ASMTL: variants seen among roughly 807,000 people sequenced by gnomAD.
ASMTL encodes probable bifunctional dTTP/UTP pyrophosphatase/methyltransferase protein.
A neutral mutation model predicts 60.3 loss-of-function variants in ASMTL; 57 were observed. That is an observed-to-expected ratio of 0.95 (90% CI 0.76 to 1.18). ASMTL has a LOEUF of 1.18. Among genes scored for constraint, ASMTL ranks in the 50% most tolerant of loss-of-function variants. The pLI is 0.00. For missense variants in ASMTL, 981 were observed against 852.6 expected (o/e 1.15, Z -1.88); for synonymous variants, 419 against 373.0 (o/e 1.12, Z -1.42).
At chrX:1,414,847 G>C in intron 11 of ASMTL, among the ~76,000 whole-genome samples, 1 of 152,276 alleles carries the variant, frequency 6.6e-6, no homozygotes, top group East Asian at 1.9e-4. Flanking sequence ...AGGAACCTCT[G>C]GGGGAGGGTT....
At chrX:1,416,347 AGT>A (rs386823181) in intron 11 of ASMTL, among the ~76,000 whole-genome samples, 6,175 of 128,658 alleles carry the variant, frequency 0.048, 1,143 homozygotes, top group Non-Finnish European at 0.061. Context: ...ATACAGATAC[AGT>A]GACAGGCACA....
At chrX:1,438,595 C>A (rs1210083540) in intron 3 of ASMTL, among the ~76,000 whole-genome samples, 3 of 152,202 alleles carry the variant, frequency 2.0e-5, no homozygotes, top group African/African-American at 4.8e-5. Flanking sequence ...CTCACTGCAA[C>A]CCCGCCTCCT....
intron 1 of ASMTL, among the ~76,000 whole-genome samples, chrX:1,449,393 A>G (rs1208294692): frequency 1.3e-5 from 2 of 151,832 alleles, no homozygotes; most frequent in African/African-American, 4.8e-5. Flanking sequence ...ACCCCAGATC[A>G]TATAGACCCC....
chrX:1,432,490 A>C, intron 5 of ASMTL, 113 bp from the exon 6 acceptor site: 7 of 754,868 alleles, frequency 9.3e-6, no homozygotes, highest in East Asian at 2.7e-5. Flanking sequence ...CGCACAGTTC[A>C]GATATGGATG....
chrX:1,415,362 C>T (rs1248601948), intron 11 of ASMTL, among the ~76,000 whole-genome samples: 4 of 152,176 alleles, frequency 2.6e-5, no homozygotes, highest in African/African-American at 4.8e-5. Flanking sequence ...ATGCTGATCT[C>T]GGCTGTTCCC....
In ASMTL at chrX:1,442,250, G is replaced by A. The variant is rs1189882195; in HGVS notation, c.161C>T (p.Pro54Leu). 13 of 1,613,910 alleles carry A rather than the reference G, an allele frequency of 8.1e-6. No individual in the cohort carries two copies. The highest frequency in any genetic ancestry group is 1.7e-4 in the Middle Eastern group (1 of 6,022). ...EKLDKASFAT[P>L]YGYAMETAKQ... ...GGCGGTCTCCATGGCGTACCCATACGGAGTAGCGAAGGAGGCTTTGTCCAG... is the reference window on the plus strand; with the variant it reads ...GGCGGTCTCCATGGCGTACCCATACAGAGTAGCGAAGGAGGCTTTGTCCAG... Residue 54 changes from proline (P) to leucine (L), a missense_variant, in exon 2 of 13, where the codon CCG becomes CTG. Coordinates refer to ENST00000381317, the MANE Select transcript of ASMTL (RefSeq NM_004192.4).
intron 11 of ASMTL, among the ~76,000 whole-genome samples, chrX:1,416,660 A>G (rs2090285644): frequency 6.6e-6 from 1 of 151,878 alleles, no homozygotes; most frequent in Admixed American, 6.6e-5. Flanking sequence ...CACACCACAG[A>G]GAGTTGCACA....
intron 6 of ASMTL, among the ~76,000 whole-genome samples, chrX:1,430,751 G>A (rs1187864944): frequency 3.4e-5 from 5 of 148,488 alleles, no homozygotes; most frequent in Admixed American, 1.3e-4. Flanking sequence ...CAGCCTGGGT[G>A]ACAGAGTGAG....
intron 6 of ASMTL, among the ~76,000 whole-genome samples, chrX:1,430,078 G>A (rs537705238): frequency 6.6e-6 from 1 of 151,306 alleles, no homozygotes. Context: ...GCAGTGGCGC[G>A]ATCTCGGCTC....
chrX:1,403,512 G>A, intron 12 of ASMTL, 23 bp from the exon 13 acceptor site: 4 of 1,608,620 alleles, frequency 2.5e-6, no homozygotes, highest in Non-Finnish European at 3.4e-6. Context: ...GCAGAGAGCT[G>A]GAGTCCTGGC....
chrX:1,443,017 T>C (rs186748054), intron 1 of ASMTL, among the ~76,000 whole-genome samples: 216 of 151,396 alleles, frequency 1.4e-3, no homozygotes, highest in Non-Finnish European at 2.5e-3. Context: ...CACCGCCATC[T>C]TGGAGAGACA....
intron 9 of ASMTL, among the ~76,000 whole-genome samples, chrX:1,420,639 C>A (rs1217573232): frequency 1.3e-5 from 2 of 152,210 alleles, no homozygotes; most frequent in African/African-American, 4.8e-5. Flanking sequence ...ATATCTCACA[C>A]GTCCACCTCA....
At chrX:1,415,840 G>GCAGA (rs2090225570) in intron 11 of ASMTL, among the ~76,000 whole-genome samples, 1 of 151,968 alleles carries the variant, frequency 6.6e-6, no homozygotes, top group Non-Finnish European at 1.5e-5. Context: ...ACCCACGGAC[G>GCAGA]CACAGACACA....
intron 12 of ASMTL, among the ~76,000 whole-genome samples, chrX:1,411,806 C>CTTTTTTTTTTT (rs756437483): frequency 5.8e-5 from 5 of 86,144 alleles, no homozygotes; most frequent in South Asian, 5.4e-4. Context: ...TTAGGATTTT[C>CTTTTTTTTTTT]TTTTTTTTTT....
intron 12 of ASMTL, 100 bp from the exon 13 acceptor site, chrX:1,403,589 A>G: frequency 1.6e-5 from 18 of 1,120,510 alleles, no homozygotes; most frequent in Non-Finnish European, 2.1e-5. Context: ...CAGAACGGTG[A>G]GCAGAGGCTG....
At chrX:1,403,783 G>GGGTA (rs1474947990) in intron 12 of ASMTL, among the ~76,000 whole-genome samples, 4 of 152,114 alleles carry the variant, frequency 2.6e-5, no homozygotes, top group African/African-American at 9.7e-5. Context: ...GATGATGGGT[G>GGGTA]GGTAGGTAGG....
chrX:1,421,059 A>G (rs1354241689), intron 9 of ASMTL, among the ~76,000 whole-genome samples: 1 of 151,408 alleles, frequency 6.6e-6, no homozygotes, highest in East Asian at 1.9e-4. Flanking sequence ...TCCCGGGTTC[A>G]AGTGATTCTC....
chrX:1,453,453 C>T (rs1431017988), upstream of ASMTL, among the ~76,000 whole-genome samples: 3 of 152,032 alleles, frequency 2.0e-5, no homozygotes, highest in African/African-American at 7.2e-5. Flanking sequence ...CTCCCCACCC[C>T]GCCTGCGGCG....
At chrX:1,433,003 C>CA (rs2090848655) in intron 5 of ASMTL, among the ~76,000 whole-genome samples, 1 of 152,178 alleles carries the variant, frequency 6.6e-6, no homozygotes, top group African/African-American at 2.4e-5. Context: ...GAGGCTGAGG[C>CA]AGGAGAATCG....
Sources: allele counts gnomAD v4.1 joint callset (sites outside exome capture counted in the v4.1 genomes callset), GRCh38; gene constraint gnomAD v4.1.1; transcripts MANE v1.5; gene names NCBI Gene and HGNC (gene_info 2026-07-23, HGNC 2026-07-21).